KCNK2: variants seen among roughly 807,000 people sequenced by gnomAD.
The protein encoded by KCNK2 is potassium channel subfamily K member 2.
A neutral mutation model predicts 40.5 loss-of-function variants in KCNK2; 21 were observed. That is an observed-to-expected ratio of 0.52 (90% CI 0.37 to 0.75). KCNK2 has a LOEUF of 0.75. Among genes scored for constraint, KCNK2 ranks in the 30% least tolerant of loss-of-function variants. KCNK2 has a pLI of 0.00. For synonymous variants in KCNK2, 191 were observed against 202.2 expected (o/e 0.94, Z 0.47); for missense variants, 399 against 531.6 (o/e 0.75, Z 2.45).
At chr1:215,130,975 C>T (rs1661646726) in intron 3 of KCNK2, among the ~76,000 whole-genome samples, 1 of 151,464 alleles carries the variant, frequency 6.6e-6, no homozygotes, top group Admixed American at 6.6e-5. Context: ...ATTCTCCTGC[C>T]TCAGCCTCCC....
intron 5 of KCNK2, among the ~76,000 whole-genome samples, chr1:215,193,528 A>G (rs1295415745): frequency 6.6e-6 from 1 of 151,846 alleles, no homozygotes; most frequent in Non-Finnish European, 1.5e-5. Flanking sequence ...CACTTATCCC[A>G]CCAAGTAATT....
intron 1 of KCNK2, among the ~76,000 whole-genome samples, chr1:215,007,037 A>ATATATGTGTGTGTGTGTGTGTG (rs1330420661): frequency 5.8e-5 from 3 of 51,592 alleles, no homozygotes; most frequent in Admixed American, 2.0e-4. Flanking sequence ...ATATATATAT[A>ATATATGTGTGTGTGTGTGTGTG]TGTGTGTGTG....
At chr1:215,119,927 G>A (rs771598570) in intron 2 of KCNK2, among the ~76,000 whole-genome samples, 1 of 152,272 alleles carries the variant, frequency 6.6e-6, no homozygotes, top group Admixed American at 6.5e-5. Context: ...TTAGCTCTAC[G>A]TCAGTGAGTG....
At chr1:215,164,840 G>C (rs1038134195) in intron 3 of KCNK2, among the ~76,000 whole-genome samples, 1 of 152,136 alleles carries the variant, frequency 6.6e-6, no homozygotes, top group African/African-American at 2.4e-5. Context: ...GTCCTCACTG[G>C]ATTGTCAACT....
intron 6 of KCNK2, among the ~76,000 whole-genome samples, chr1:215,209,397 TATA>T (rs1447702407): frequency 1.5e-5 from 1 of 68,942 alleles, no homozygotes; most frequent in Non-Finnish European, 2.4e-5. Context: ...ATATATTATA[TATA>T]AAATATGCAT....
chr1:215,208,292 T>C (rs978679446), intron 6 of KCNK2, among the ~76,000 whole-genome samples: 3 of 152,032 alleles, frequency 2.0e-5, no homozygotes, highest in African/African-American at 7.2e-5. Context: ...TCACTTATAA[T>C]GGGAGCTAAC....
At chr1:215,225,178 T>C (rs1359225344) in intron 6 of KCNK2, among the ~76,000 whole-genome samples, 1 of 152,214 alleles carries the variant, frequency 6.6e-6, no homozygotes, top group East Asian at 1.9e-4. Context: ...ATGTACTTTG[T>C]ATATCATGAT....
At chr1:215,053,299 T>A (rs12118830) in intron 1 of KCNK2, among the ~76,000 whole-genome samples, 5,791 of 152,192 alleles carry the variant, frequency 0.038, 123 homozygotes, top group Middle Eastern at 0.17. Flanking sequence ...CAGTGACTGA[T>A]GCATCTTCCC....
chr1:215,010,820 C>T (rs1401383226), intron 1 of KCNK2, among the ~76,000 whole-genome samples: 4 of 148,504 alleles, frequency 2.7e-5, no homozygotes, highest in Non-Finnish European at 5.9e-5. Context: ...CTCACTCCCT[C>T]AGGGTAGGAT....
chr1:215,171,440 C>G (rs1663706359), intron 4 of KCNK2, among the ~76,000 whole-genome samples: 1 of 151,964 alleles, frequency 6.6e-6, no homozygotes, highest in Non-Finnish European at 1.5e-5. Flanking sequence ...TAGTATTATG[C>G]TGTAATCAAT....
intron 3 of KCNK2, among the ~76,000 whole-genome samples, chr1:215,149,656 G>C (rs1297090729): frequency 1.3e-5 from 2 of 152,140 alleles, no homozygotes; most frequent in Admixed American, 6.5e-5. Flanking sequence ...ATTTTTAAAG[G>C]AAGCATGCTA....
At chr1:215,119,681 A>C (rs1169273603) in intron 2 of KCNK2, among the ~76,000 whole-genome samples, 1 of 152,176 alleles carries the variant, frequency 6.6e-6, no homozygotes, top group African/African-American at 2.4e-5. Flanking sequence ...TTAGGATGAA[A>C]TATATAGGAT....
At chr1:215,176,488 C>T (rs1663978553) in intron 5 of KCNK2, among the ~76,000 whole-genome samples, 1 of 152,014 alleles carries the variant, frequency 6.6e-6, no homozygotes, top group Non-Finnish European at 1.5e-5. Context: ...TGTTGCTTTC[C>T]CACCCCTGCA....
At chr1:215,102,806 T>C (rs1224196468) in intron 2 of KCNK2, among the ~76,000 whole-genome samples, 2 of 152,042 alleles carry the variant, frequency 1.3e-5, no homozygotes, top group Non-Finnish European at 2.9e-5. Context: ...TACAGTTCTA[T>C]AGCCTAGGAG....
intron 6 of KCNK2, among the ~76,000 whole-genome samples, chr1:215,209,995 A>AATATATATTTTATATATATT (rs1665645658): frequency 3.0e-4 from 1 of 3,362 alleles, no homozygotes; most frequent in Non-Finnish European, 1.7e-3. Flanking sequence ...TATAATATAT[A>AATATATATTTTATATATATT]ATATATATTA....
At chr1:215,045,571 A>G (rs563610604) in intron 1 of KCNK2, among the ~76,000 whole-genome samples, 5 of 152,356 alleles carry the variant, frequency 3.3e-5, no homozygotes, top group Admixed American at 3.3e-4. Flanking sequence ...CTAAATGCAT[A>G]TGAAATAACT....
intron 1 of KCNK2, among the ~76,000 whole-genome samples, chr1:215,067,600 A>G (rs1203510601): frequency 6.6e-6 from 1 of 152,176 alleles, no homozygotes; most frequent in East Asian, 1.9e-4. Flanking sequence ...CACTTGTTGA[A>G]TTTTTAAAAA....
chr1:215,150,016 C>A (rs1464824841), intron 3 of KCNK2, among the ~76,000 whole-genome samples: 2 of 152,038 alleles, frequency 1.3e-5, no homozygotes, highest in African/African-American at 4.8e-5. Context: ...TAAAACATGG[C>A]CCCTGACCTT....
chr1:215,007,023 A>ATGTGTGTGTGTGTGTGTGTGTGTG (rs1436577962), intron 1 of KCNK2, among the ~76,000 whole-genome samples: 1 of 25,846 alleles, frequency 3.9e-5, no homozygotes, highest in Admixed American at 5.0e-4. Context: ...ATATATATAT[A>ATGTGTGTGTGTGTGTGTGTGTGTG]TATATATATA....
Sources: allele counts gnomAD v4.1 joint callset (sites outside exome capture counted in the v4.1 genomes callset), GRCh38; gene constraint gnomAD v4.1.1; transcripts MANE v1.5; gene names NCBI Gene and HGNC (gene_info 2026-07-23, HGNC 2026-07-21).